TNKS: variants seen among roughly 807,000 people sequenced by gnomAD.
TNKS encodes poly [ADP-ribose] polymerase tankyrase-1.
In TNKS, 72 loss-of-function variants were observed where a neutral mutation model predicts 135.8. The observed-to-expected ratio is 0.53, with a 90% CI of 0.44 to 0.64. The LOEUF (loss-of-function observed/expected upper bound fraction) is 0.64, where lower values mean the gene tolerates loss of function less well. Among genes scored for constraint, TNKS ranks in the 30% least tolerant of loss-of-function variants. The pLI is 0.00. For synonymous variants in TNKS, 849 were observed against 649.3 expected (o/e 1.31, Z -4.68); for missense variants, 1,769 against 1,674.0 (o/e 1.06, Z -0.99).
intron 3 of TNKS, among the ~76,000 whole-genome samples, chr8:9,620,558 G>C (rs1017943516): frequency 5.9e-5 from 9 of 152,200 alleles, no homozygotes; most frequent in Non-Finnish European, 1.5e-5. Flanking sequence ...ACAGTGGCCT[G>C]TCCTGATCTG....
intron 20 of TNKS, among the ~76,000 whole-genome samples, chr8:9,754,258 T>C (rs1806717820): frequency 6.6e-6 from 1 of 152,228 alleles, no homozygotes; most frequent in African/African-American, 2.4e-5. Flanking sequence ...CCTAGATATC[T>C]TTTTAAGACC....
At chr8:9,662,797 G>A (rs900124398) in intron 3 of TNKS, among the ~76,000 whole-genome samples, 6 of 152,148 alleles carry the variant, frequency 3.9e-5, no homozygotes, top group African/African-American at 1.4e-4. Context: ...TGAAAGAGCA[G>A]TATTTGAGAG....
At chr8:9,701,342 A>T (rs1452448532) in intron 5 of TNKS, among the ~76,000 whole-genome samples, 4 of 152,326 alleles carry the variant, frequency 2.6e-5, no homozygotes, top group Non-Finnish European at 4.4e-5. Flanking sequence ...ACTTTATACA[A>T]AGAAAGTTGT....
chr8:9,606,236 A>T (rs1306139075), intron 2 of TNKS, among the ~76,000 whole-genome samples: 1 of 149,156 alleles, frequency 6.7e-6, no homozygotes. Context: ...CCGTTGAATT[A>T]CTGTGCTTCC....
In TNKS at chr8:9,642,353, A is replaced by G. The variant is rs1452195142; in HGVS notation, c.994+26676A>G. 3.4e-5 allele frequency among the ~76,000 whole-genome samples: 5 copies of G among 146,624 alleles called. 2 individuals are homozygous for G. In the Admixed American group the frequency reaches 3.6e-4, roughly 10 times the overall value. ...TTAATTATTGTATTCTCTTAAATAT[A>G]TGACTGTTTTTACATAGTCACAAAT... On this transcript the variant is annotated intron_variant, in intron 3 of 26. Coordinates refer to ENST00000310430, the MANE Select transcript of TNKS (RefSeq NM_003747.3).
intron 3 of TNKS, among the ~76,000 whole-genome samples, chr8:9,672,721 A>C (rs574356415): frequency 0.011 from 1,587 of 147,648 alleles, 22 homozygotes; most frequent in African/African-American, 0.025. Context: ...CAAAAAAAAA[A>C]AAACAAACTA....
intron 3 of TNKS, among the ~76,000 whole-genome samples, chr8:9,664,329 CA>C (rs1171535034): frequency 1.3e-5 from 2 of 152,062 alleles, no homozygotes; most frequent in African/African-American, 4.8e-5. Flanking sequence ...TTTTCACAAC[CA>C]ACTATTGAAG....
At chr8:9,673,497 T>A (rs1802398486) in intron 3 of TNKS, among the ~76,000 whole-genome samples, 2 of 145,726 alleles carry the variant, frequency 1.4e-5, no homozygotes, top group Non-Finnish European at 3.0e-5. Context: ...CAGGCTGGAG[T>A]GCAGTGGTGC....
At chr8:9,758,240 A>C (rs1194961210) in intron 20 of TNKS, among the ~76,000 whole-genome samples, 1 of 152,198 alleles carries the variant, frequency 6.6e-6, no homozygotes, top group African/African-American at 2.4e-5. Flanking sequence ...TGGTGGTTGG[A>C]TGATGAATGG....
In TNKS at chr8:9,779,182, AT is replaced by A. The variant is rs535802823; in HGVS notation, c.*2453del. The A allele has an allele frequency of 1.1e-3, 171 of 152,622 alleles. No individual in the cohort carries two copies. The highest frequency in any genetic ancestry group is 1.1e-3 in the Admixed American group (17 of 15,282). The allele number at this position is 152,622 out of a possible 1,614,324, so 9.5% of individuals were successfully genotyped here. ...TGGATATATCAGAGGAGCCAAATACATTTTTTTCAGAACTTGAAAACCAAAG... is the reference window on the plus strand; with the variant it reads ...TGGATATATCAGAGGAGCCAAATACATTTTTTCAGAACTTGAAAACCAAAG... On this transcript the variant is annotated 3_prime_UTR_variant, in exon 27 of 27. Coordinates refer to ENST00000310430, the MANE Select transcript of TNKS (RefSeq NM_003747.3).
chr8:9,576,048 A>C (rs79508898), intron 1 of TNKS, among the ~76,000 whole-genome samples: 10,024 of 152,158 alleles, frequency 0.066, 457 homozygotes, highest in Non-Finnish European at 0.1. Context: ...GAAGAGAGAA[A>C]CATATTTCCA....
At chr8:9,663,644 C>T (rs1801842148) in intron 3 of TNKS, among the ~76,000 whole-genome samples, 1 of 152,222 alleles carries the variant, frequency 6.6e-6, no homozygotes, top group Admixed American at 6.5e-5. Context: ...TACTTCTTAT[C>T]TGCTGGCTGT....
chr8:9,724,634 G>A (rs1008538990), intron 12 of TNKS, among the ~76,000 whole-genome samples: 2 of 151,718 alleles, frequency 1.3e-5, no homozygotes, highest in African/African-American at 2.4e-5. Flanking sequence ...TACATTTTTC[G>A]CATTATTTCT....
chr8:9,703,460 G>C (rs568874881), intron 5 of TNKS, among the ~76,000 whole-genome samples: 2 of 152,182 alleles, frequency 1.3e-5, no homozygotes, highest in Non-Finnish European at 2.9e-5. Flanking sequence ...TGAGACACAC[G>C]AGTAGCATGA....
intron 5 of TNKS, among the ~76,000 whole-genome samples, chr8:9,693,579 G>A (rs1422373436): frequency 1.3e-5 from 2 of 152,096 alleles, no homozygotes; most frequent in Non-Finnish European, 2.9e-5. Context: ...GTGAATAAAT[G>A]TAAAGTAACT....
intron 20 of TNKS, among the ~76,000 whole-genome samples, chr8:9,759,141 C>G (rs1019633795): frequency 6.6e-6 from 1 of 152,120 alleles, no homozygotes; most frequent in African/African-American, 2.4e-5. Context: ...TGGTTAGAAG[C>G]AAGTCACTAG....
At chr8:9,733,859 C>T (rs1805561973) in intron 15 of TNKS, among the ~76,000 whole-genome samples, 1 of 151,946 alleles carries the variant, frequency 6.6e-6, no homozygotes, top group South Asian at 2.1e-4. Flanking sequence ...TCTTTAAGAA[C>T]TTATTGTAGT....
intron 5 of TNKS, among the ~76,000 whole-genome samples, chr8:9,690,887 A>T (rs1454056648): frequency 1.3e-5 from 2 of 152,108 alleles, no homozygotes; most frequent in Non-Finnish European, 2.9e-5. Flanking sequence ...TGTTCATGTA[A>T]TCTATCTAGG....
chr8:9,586,682 A>G (rs1234107684), intron 2 of TNKS, among the ~76,000 whole-genome samples: 2 of 151,624 alleles, frequency 1.3e-5, no homozygotes, highest in East Asian at 1.9e-4. Flanking sequence ...TAGAATTTAT[A>G]TTTAAATTAT....
Sources: gnomAD v4.1 joint callset for allele counts (sites outside exome capture counted in the v4.1 genomes callset) on GRCh38, gnomAD v4.1.1 for gene constraint, MANE v1.5 for transcripts, NCBI Gene and HGNC (gene_info 2026-07-23, HGNC 2026-07-21) for gene names.